DCAF6: variants seen among roughly 807,000 people sequenced by gnomAD.
DCAF6 encodes the protein DDB1- and CUL4-associated factor 6.
Under a neutral mutation model 125.1 loss-of-function variants are expected in DCAF6, and 54 were observed. That is an observed-to-expected ratio of 0.43 (90% confidence interval 0.35 to 0.54). The LOEUF (loss-of-function observed/expected upper bound fraction) is 0.54, where lower values mean the gene tolerates loss of function less well. Among genes scored for constraint, DCAF6 ranks in the 20% least tolerant of loss-of-function variants. The pLI, the probability that DCAF6 is intolerant of heterozygous loss-of-function variation, is 0.01. For synonymous variants in DCAF6, 371 were observed against 390.4 expected, an observed-to-expected ratio of 0.95 and a Z score of 0.58; for missense variants, 934 against 1,161.7, an observed-to-expected ratio of 0.80 and a Z score of 2.85.
intron 4 of DCAF6, among the ~76,000 whole-genome samples, chr1:167,981,239 T>G (rs1679083216): frequency 1.3e-5 from 2 of 152,162 alleles, no homozygotes; most frequent in South Asian, 4.1e-4. Flanking sequence ...TTTTATACTT[T>G]CAGTTTGTAG....
chr1:168,039,695 A>G (rs1204168904), intron 13 of DCAF6, among the ~76,000 whole-genome samples: 1 of 147,218 alleles, frequency 6.8e-6, no homozygotes, highest in East Asian at 1.9e-4. Flanking sequence ...TATATTAAAT[A>G]TTTAATTGTA....
intron 3 of DCAF6, among the ~76,000 whole-genome samples, chr1:167,967,489 A>G (rs1676591960): frequency 6.6e-6 from 1 of 152,196 alleles, no homozygotes; most frequent in African/African-American, 2.4e-5. Flanking sequence ...ACTGATTGTA[A>G]TAAAAAGAAA....
At chr1:167,998,937 A>G (rs1682178991) in intron 7 of DCAF6, among the ~76,000 whole-genome samples, 1 of 152,082 alleles carries the variant, frequency 6.6e-6, no homozygotes. Flanking sequence ...CCCACGAATC[A>G]CAAAAGTTCT....
chr1:167,952,007 T>C lies in DCAF6; in HGVS notation c.159+146T>C, dbSNP rs1035917071. Reference sequence around the variant, plus strand: ...TTACATTAAAATATAAAATTATATTTTGAATCTAGAAGAGTGTATGCAAGA... The same window carrying C: ...TTACATTAAAATATAAAATTATATTCTGAATCTAGAAGAGTGTATGCAAGA... On this transcript the variant is annotated intron_variant, in intron 2 of 21. Coordinates refer to ENST00000367840, the MANE Select transcript of DCAF6 (RefSeq NM_001198956.2). 4 of 536,510 alleles carry C rather than the reference T, an allele frequency of 7.5e-6. No homozygotes were observed. In the African/African-American group the frequency reaches 7.8e-5, roughly 10 times the overall value. The allele number at this position is 536,510 out of a possible 1,614,324, so 33.2% of individuals were successfully genotyped here. A position where few individuals can be genotyped will look rare whatever the true frequency, so the allele number is the denominator to read the frequency against.
chr1:168,067,381 C>T (rs1692470886), intron 20 of DCAF6, among the ~76,000 whole-genome samples: 1 of 152,106 alleles, frequency 6.6e-6, no homozygotes, highest in Non-Finnish European at 1.5e-5. Context: ...CAGAGGTATA[C>T]ACATAGTGTT....
chr1:167,915,576 A>G, the DCAF6 span, among the ~76,000 whole-genome samples: 1 of 151,964 alleles, frequency 6.6e-6, no homozygotes, highest in South Asian at 2.1e-4. Flanking sequence ...TCAGCCTCCC[A>G]AGTAGCTCGG....
the DCAF6 span, among the ~76,000 whole-genome samples, chr1:167,870,772 G>A: frequency 1.3e-5 from 2 of 150,616 alleles, no homozygotes; most frequent in African/African-American, 2.4e-5. Flanking sequence ...TCCTGCCATT[G>A]CACTCCAGCC....
At chr1:167,864,206 T>A in the DCAF6 span, among the ~76,000 whole-genome samples, 1 of 152,228 alleles carries the variant, frequency 6.6e-6, no homozygotes, top group Non-Finnish European at 1.5e-5. Context: ...TTCTTTGTTT[T>A]GTGGTGTGCA....
chr1:167,883,748 C>G, the DCAF6 span: 1 of 880,492 alleles, frequency 1.1e-6, no homozygotes. Flanking sequence ...GGGTGAGGTA[C>G]AACATGACAG....
chr1:167,966,088 C>T (rs965843583), intron 2 of DCAF6, among the ~76,000 whole-genome samples: 1 of 152,114 alleles, frequency 6.6e-6, no homozygotes, highest in African/African-American at 2.4e-5. Context: ...TTGTGTTTAC[C>T]TGTTCATCTC....
At chr1:167,942,394 T>A (rs1177831671) in intron 1 of DCAF6, among the ~76,000 whole-genome samples, 1 of 150,514 alleles carries the variant, frequency 6.6e-6, no homozygotes, top group African/African-American at 2.5e-5. Context: ...TGGTTAATGA[T>A]GTTGAGTATC....
the DCAF6 span, chr1:167,870,195 G>A: frequency 6.4e-7 from 1 of 1,574,402 alleles, no homozygotes; most frequent in Non-Finnish European, 8.7e-7. Flanking sequence ...GGAAGGAGAG[G>A]AGCATCAAAA....
intron 11 of DCAF6, among the ~76,000 whole-genome samples, chr1:168,016,636 G>A (rs1306013144): frequency 6.6e-6 from 1 of 152,010 alleles, no homozygotes; most frequent in African/African-American, 2.4e-5. Context: ...TGACCAGAAA[G>A]TTCATGATGC....
chr1:167,915,457 T>C, the DCAF6 span, among the ~76,000 whole-genome samples: 1 of 152,298 alleles, frequency 6.6e-6, no homozygotes, highest in East Asian at 1.9e-4. Flanking sequence ...CTTCAATTAA[T>C]AAGATTACCA....
chr1:167,936,168 G>A (rs1052522182), upstream of DCAF6: 1 of 304,068 alleles, frequency 3.3e-6, no homozygotes, highest in Non-Finnish European at 6.3e-6. Context: ...CAGCGCGCTT[G>A]CGCAGGCCGA....
chr1:167,978,339 A>G (rs575726338), intron 4 of DCAF6, among the ~76,000 whole-genome samples: 19 of 152,330 alleles, frequency 1.2e-4, no homozygotes, highest in African/African-American at 4.1e-4. Flanking sequence ...CACCAACAGC[A>G]TGTAAGAGGT....
At chr1:167,966,780 A>G in intron 3 of DCAF6, 59 bp downstream of exon 3, 1 of 1,036,272 alleles carries the variant, frequency 9.6e-7, no homozygotes, top group Admixed American at 2.0e-5. Flanking sequence ...GAAGGCAGAA[A>G]TGAAGAAACT....
chr1:168,021,007 G>T (rs1685603508), intron 11 of DCAF6, among the ~76,000 whole-genome samples: 1 of 152,074 alleles, frequency 6.6e-6, no homozygotes, highest in East Asian at 1.9e-4. Flanking sequence ...AACCAAAAAG[G>T]AAACCCTTTT....
chr1:168,027,081 C>G lies in DCAF6; in HGVS notation c.1609+4034C>G, dbSNP rs188867293. Among the ~76,000 whole-genome samples the G allele has an allele frequency of 3.3e-5, 5 of 152,210 alleles. No individual in the cohort carries two copies. The East Asian group carries it at 9.6e-4, about 29-fold the overall frequency. On this transcript the variant is annotated intron_variant, in intron 12 of 21. Coordinates refer to ENST00000367840, the MANE Select transcript of DCAF6 (RefSeq NM_001198956.2). ...ATGCCATGTAAATCAATGATACCAA[C>G]TCCCAGAAAGTCTGATAAATCATTT...
Sources: allele counts gnomAD v4.1 joint callset (sites outside exome capture counted in the v4.1 genomes callset), GRCh38; gene constraint gnomAD v4.1.1; transcripts MANE v1.5; gene names NCBI Gene and HGNC (gene_info 2026-07-23, HGNC 2026-07-21).